Variants in CACNA1A observed in about 807,000 individuals in gnomAD.
The protein encoded by CACNA1A is voltage-dependent P/Q-type calcium channel subunit alpha-1A.
Under a neutral mutation model 262.4 loss-of-function variants are expected in CACNA1A, and 57 were observed. The observed-to-expected ratio is 0.22, with a 90% CI of 0.18 to 0.27. The LOEUF is 0.27. CACNA1A is among the 10% of genes least tolerant of loss of function. CACNA1A has a pLI of 1.00. For synonymous variants in CACNA1A, 1,431 were observed against 1,419.3 expected (o/e 1.01, Z -0.18); for missense variants, 2,526 against 3,562.8 (o/e 0.71, Z 7.41).
chr19:13,407,815 GCT>G (rs34139093), intron 3 of CACNA1A, among the ~76,000 whole-genome samples: 1,876 of 152,080 alleles, frequency 0.012, 44 homozygotes, highest in African/African-American at 0.043. Context: ...ATATGGTTTG[GCT>G]CTGTGTCCCC....
At chr19:13,269,197 T>A (rs1012648256) in intron 24 of CACNA1A, among the ~76,000 whole-genome samples, 1 of 152,186 alleles carries the variant, frequency 6.6e-6, no homozygotes, top group Non-Finnish European at 1.5e-5. Flanking sequence ...TCAATGACAG[T>A]GATTTTTGCC....
intron 3 of CACNA1A, among the ~76,000 whole-genome samples, chr19:13,440,283 G>T (rs72999613): frequency 0.038 from 5,786 of 152,268 alleles, 157 homozygotes; most frequent in South Asian, 0.13. Context: ...TAAATCACAT[G>T]CCCTGACTAC....
intron 34 of CACNA1A, among the ~76,000 whole-genome samples, chr19:13,233,690 T>C (rs1287773480): frequency 6.6e-6 from 1 of 152,014 alleles, no homozygotes; most frequent in Non-Finnish European, 1.5e-5. Flanking sequence ...GGGGTCTCAC[T>C]ATGTTGCCCA....
chr19:13,355,696 G>A (rs1383285852), intron 6 of CACNA1A, among the ~76,000 whole-genome samples: 1 of 152,184 alleles, frequency 6.6e-6, no homozygotes, highest in East Asian at 1.9e-4. Context: ...GAGGCAGAGA[G>A]TGACAGCTGA....
intron 1 of CACNA1A, among the ~76,000 whole-genome samples, chr19:13,467,223 T>C (rs187706839): frequency 1.1e-4 from 16 of 152,048 alleles, no homozygotes; most frequent in Admixed American, 3.3e-4. Context: ...GGTAAGGGCT[T>C]TTCACCTTCT....
At chr19:13,368,424 C>CT (rs2059256113) in intron 4 of CACNA1A, among the ~76,000 whole-genome samples, 1 of 150,378 alleles carries the variant, frequency 6.6e-6, no homozygotes, top group Admixed American at 6.6e-5. Flanking sequence ...CCTTGACCTC[C>CT]TGGGCACAAG....
chr19:13,233,021 C>T (rs1263561869), intron 34 of CACNA1A, among the ~76,000 whole-genome samples: 1 of 151,580 alleles, frequency 6.6e-6, no homozygotes, highest in Non-Finnish European at 1.5e-5. Flanking sequence ...TGCACTCCAG[C>T]CTGGGCAACA....
chr19:13,464,759 A>G (rs915546730), intron 1 of CACNA1A, among the ~76,000 whole-genome samples: 10 of 151,690 alleles, frequency 6.6e-5, no homozygotes, highest in East Asian at 3.9e-4. Flanking sequence ...CGTGTTAGCC[A>G]GGGTGGTCTC....
At chr19:13,209,768 C>T (rs1435089366) in intron 44 of CACNA1A, among the ~76,000 whole-genome samples, 3 of 152,308 alleles carry the variant, frequency 2.0e-5, no homozygotes, top group African/African-American at 7.2e-5. Context: ...TGGGTTCTGA[C>T]CAGAAAGATC....
chr19:13,441,931 C>G (rs2060728889), intron 3 of CACNA1A, among the ~76,000 whole-genome samples: 1 of 152,184 alleles, frequency 6.6e-6, no homozygotes, highest in South Asian at 2.1e-4. Context: ...TCCAGCCCCA[C>G]AGGGAAAATG....
intron 3 of CACNA1A, among the ~76,000 whole-genome samples, chr19:13,405,765 A>G (rs757296147): frequency 6.6e-6 from 1 of 152,172 alleles, no homozygotes. Flanking sequence ...ATAACATAGC[A>G]TCTCTATCAT....
chr19:13,266,053 A>T (rs1486134045), intron 24 of CACNA1A, among the ~76,000 whole-genome samples: 2 of 152,112 alleles, frequency 1.3e-5, no homozygotes, highest in Non-Finnish European at 2.9e-5. Flanking sequence ...CATGTTGGTC[A>T]GGCTGGTCTC....
At chr19:13,492,391 A>T (rs921895771) in intron 1 of CACNA1A, among the ~76,000 whole-genome samples, 4 of 152,226 alleles carry the variant, frequency 2.6e-5, no homozygotes, top group African/African-American at 9.6e-5. Context: ...GTGAAGATGT[A>T]AAATCAAGGG....
chr19:13,217,968 G>GT (rs2055080857), intron 38 of CACNA1A, among the ~76,000 whole-genome samples: 1 of 140,100 alleles, frequency 7.1e-6, no homozygotes, highest in Non-Finnish European at 1.5e-5. Context: ...AAGAGATAGG[G>GT]TCTCACTATG....
intron 1 of CACNA1A, among the ~76,000 whole-genome samples, chr19:13,462,282 T>C (rs1877573975): frequency 6.6e-6 from 1 of 152,136 alleles, no homozygotes. Flanking sequence ...TGCTGATGGG[T>C]GGGTTCTAAG....
At chr19:13,208,494 G>A (rs1009842187) in intron 46 of CACNA1A, among the ~76,000 whole-genome samples, 19 of 149,418 alleles carry the variant, frequency 1.3e-4, no homozygotes, top group Middle Eastern at 3.5e-3. Flanking sequence ...ATCCACAACC[G>A]AGGAGCAAGC....
In CACNA1A at chr19:13,299,233, G is replaced by A. The variant is rs376074188; in HGVS notation, c.2400C>T (p.Asp800=). Residue 800 remains aspartate (D), a synonymous_variant, in exon 19 of 47, where the codon GAC becomes GAT. Transcript: ENST00000360228. ...REALYNEMDP[D]ERWKAAYTRH... ...GCGTGTAGGCAGCCTTCCAGCGCTCGTCCGGGTCCATTTCGTTATACAGGG... is the reference window on the plus strand; with the variant it reads ...GCGTGTAGGCAGCCTTCCAGCGCTCATCCGGGTCCATTTCGTTATACAGGG... 4 of 1,610,102 alleles carry A rather than the reference G, an allele frequency of 2.5e-6. No homozygotes were observed. The highest frequency in any genetic ancestry group is 1.1e-5 in the South Asian group (1 of 91,086).
At chr19:13,339,495 G>A (rs751017568) in intron 6 of CACNA1A, among the ~76,000 whole-genome samples, 3 of 152,028 alleles carry the variant, frequency 2.0e-5, no homozygotes, top group African/African-American at 2.4e-5. Context: ...TTAATTTCAC[G>A]AAACTGTATC....
intron 30 of CACNA1A, among the ~76,000 whole-genome samples, chr19:13,248,409 CAAAAAAAAAAAAAAAA>C (rs61481896): frequency 3.4e-5 from 2 of 58,846 alleles, no homozygotes; most frequent in Admixed American, 2.3e-4. Flanking sequence ...GATCCCATCT[CAAAAAAAAAAAAAAAA>C]AAAAAAAAGA....
Sources: allele counts gnomAD v4.1 joint callset (sites outside exome capture counted in the v4.1 genomes callset), GRCh38; gene constraint gnomAD v4.1.1; transcripts MANE v1.5; gene names NCBI Gene and HGNC (gene_info 2026-07-23, HGNC 2026-07-21).